The following AHSA1 variants were observed in gnomAD, a reference collection of about 807,000 sequenced individuals.
The protein encoded by AHSA1 is activator of HSP90 ATPase activity 1.
AHSA1 carries 14 observed loss-of-function variants against 46.1 expected under a neutral mutation model. That is an observed-to-expected ratio of 0.30 (90% CI 0.20 to 0.47). The LOEUF (loss-of-function observed/expected upper bound fraction) is 0.47. Ranked by LOEUF, AHSA1 falls within the 20% of genes least tolerant of loss-of-function variation. The probability of loss-of-function intolerance (pLI) is 0.99; values close to 1 mark genes in which losing one functional copy is unlikely to be tolerated. For synonymous variants in AHSA1, 147 were observed against 145.8 expected, an observed-to-expected ratio of 1.01 and a Z score of -0.06; for missense variants, 333 against 415.9, an observed-to-expected ratio of 0.80 and a Z score of 1.73.
At chr14:77,463,538 A>C (rs1031160283) in intron 4 of AHSA1, among the ~76,000 whole-genome samples, 11 of 148,390 alleles carry the variant, frequency 7.4e-5, no homozygotes, top group African/African-American at 2.7e-4. Flanking sequence ...GTGAGCCAAG[A>C]ACGCGCCATT....
Position 77,462,681 on chromosome 14 carries a change from C to T in AHSA1, c.394C>T (p.Leu132Phe), listed in dbSNP as rs765495295. 8.1e-6 allele frequency: 13 copies of T among 1,614,176 alleles called. 1 individual carries two copies. The Middle Eastern group carries it at 2.0e-3, about 246-fold the overall frequency. Residue 132 changes from leucine to phenylalanine, a missense_variant, in exon 4 of 9, where the codon CTC becomes TTC. Leu to Phe is a conservative substitution (Grantham distance 22). Transcript: ENST00000216479. ...SLAKDEPDTN[L>F]VALMKEEGVK... ...TGCCAAAGATGAGCCTGACACAAAT[C>T]TCGTGGCCTTAATGAAGGAAGAAGG...
At chr14:77,468,721 CTTTTTTTTTT>C (rs572116649) in intron 8 of AHSA1, 4 of 224,432 alleles carry the variant, frequency 1.8e-5, no homozygotes, top group African/African-American at 4.6e-5. Context: ...ACCATGCCAG[CTTTTTTTTTT>C]TTTTTTTTTT....
In AHSA1 at chr14:77,465,700, A is replaced by G. The variant is rs2079045156; in HGVS notation, c.690+33A>G. 3.1e-6 allele frequency: 5 copies of G among 1,609,970 alleles called. No homozygotes were observed. The East Asian group carries it at 1.1e-4, about 36-fold the overall frequency. On this transcript the variant is annotated intron_variant, in intron 6 of 8. Transcript: ENST00000216479. The stretch of plus-strand genomic sequence containing the variant: ...AGTCTTGTCCTTCAGGCCTCATGCC[A>G]TCTGCCCTTCTAGGTGACTTGAGTT...
chr14:77,464,186 G>C (rs566410790), intron 4 of AHSA1, among the ~76,000 whole-genome samples: 1 of 152,242 alleles, frequency 6.6e-6, no homozygotes, highest in African/African-American at 2.4e-5. Flanking sequence ...AGACCATCCT[G>C]GCCAACATGG....
At chr14:77,462,293 A>G in intron 3 of AHSA1, 51 bp downstream of exon 3, 1 of 1,515,738 alleles carries the variant, frequency 6.6e-7, no homozygotes, top group Non-Finnish European at 9.2e-7. Context: ...TCTTATTCTC[A>G]GATGAGAAAA....
At chr14:77,467,982 A>G in intron 6 of AHSA1, 101 bp from the exon 7 acceptor site, 1 of 780,926 alleles carries the variant, frequency 1.3e-6, no homozygotes, top group Non-Finnish European at 2.0e-6. Flanking sequence ...TGGAAATGAG[A>G]GTTGAGGCAT....
Position 77,468,090 on chromosome 14 carries a change from A to T in AHSA1, c.698A>T (p.Gln233Leu). The T allele has an allele frequency of 8.2e-7, 1 of 1,225,030 alleles. No homozygotes were observed. Among genetic ancestry groups the T allele is most frequent in the South Asian group, 1.4e-5 (1 of 70,844 alleles). 75.9% of individuals were successfully genotyped at this position (1,225,030 alleles called of 1,614,324 possible). A position where few individuals can be genotyped will look rare whatever the true frequency, so the allele number is the denominator to read the frequency against. ...YRVFTTQELVQAFTHAPATLE... is the reference protein window; with the variant it reads ...YRVFTTQELVLAFTHAPATLE... ...TTTTTTTTTTCCCTGCAGCTGGTGC[A>T]GGCCTTTACCCATGCTCCTGCAACA... The change falls in exon 7 of 9, where the codon CAG (glutamine) becomes CTG (leucine). Residue 233 changes from glutamine (Q) to leucine (L), a missense_variant. Physicochemically the swap from Gln to Leu is moderately radical, Grantham distance 113. Coordinates refer to ENST00000216479, the MANE Select transcript of AHSA1 (RefSeq NM_012111.3).
intron 5 of AHSA1, 44 bp from the exon 6 acceptor site, chr14:77,465,495 G>A (rs376785310): frequency 5.8e-5 from 92 of 1,598,282 alleles, no homozygotes; most frequent in Admixed American, 3.3e-4. Context: ...GATTGAGGTT[G>A]TATCATTACT....
chr14:77,465,427 C>T lies in AHSA1; in HGVS notation c.562-112C>T, dbSNP rs547226270. The T allele has an allele frequency of 1.7e-5, 22 of 1,263,418 alleles. No homozygotes were observed. In the South Asian group the frequency reaches 2.9e-4, roughly 17 times the overall value. The allele number at this position is 1,263,418 out of a possible 1,614,324, so 78.3% of individuals were successfully genotyped here. On this transcript the variant is annotated intron_variant, in intron 5 of 8. Transcript: ENST00000216479. ...CCTTCAAACCCCTTGGAATAATTAC[C>T]CTTGGAGGTGAACATTTTTATGAGA...
chr14:77,468,522 T>A lies in AHSA1; in HGVS notation c.844+14T>A. 1 of 1,607,686 alleles carries A rather than the reference T, an allele frequency of 6.2e-7. No homozygotes were observed. Among genetic ancestry groups the A allele is most frequent in the Non-Finnish European group, 8.5e-7 (1 of 1,175,474 alleles). On this transcript the variant is annotated intron_variant, in intron 8 of 8. Transcript: ENST00000216479. ...CTTGGCCAGAGGGTAAGTAAACATA[T>A]TTATTGCCATTACCCCCAGAACTTT...
intron 5 of AHSA1, 120 bp downstream of exon 5, chr14:77,464,806 C>T (rs1401716387): frequency 1.2e-5 from 10 of 800,020 alleles, no homozygotes; most frequent in Non-Finnish European, 2.0e-5. Flanking sequence ...CTGCGATCTG[C>T]TCATGGTGCT....
intron 4 of AHSA1, among the ~76,000 whole-genome samples, chr14:77,463,600 CAAA>C (rs869114214): frequency 8.1e-5 from 4 of 49,610 alleles, no homozygotes; most frequent in Non-Finnish European, 2.0e-4. Context: ...AAAAAAAAAA[CAAA>C]AAAAAAACTG....
chr14:77,463,597 A>AAG (rs900875563), intron 4 of AHSA1, among the ~76,000 whole-genome samples: 1 of 56,084 alleles, frequency 1.8e-5, no homozygotes, highest in African/African-American at 3.3e-5. Flanking sequence ...AAAAAAAAAA[A>AAG]AACAAAAAAA....
chr14:77,465,814 CT>C, intron 6 of AHSA1, 147 bp downstream of exon 6: 1 of 814,358 alleles, frequency 1.2e-6, no homozygotes, highest in Non-Finnish European at 1.8e-6. Context: ...GAATTTTTCC[CT>C]CCCTCTATTC....
At chr14:77,460,745 G>C (rs542272300) in intron 2 of AHSA1, among the ~76,000 whole-genome samples, 13 of 151,558 alleles carry the variant, frequency 8.6e-5, no homozygotes, top group African/African-American at 2.9e-4. Context: ...ATTTTTATTA[G>C]AGATGGGTTT....
chr14:77,466,435 G>C (rs1324281592), intron 6 of AHSA1: 1 of 153,192 alleles, frequency 6.5e-6, no homozygotes, highest in Non-Finnish European at 1.5e-5. Context: ...TGAGAAACAT[G>C]ACCGTATTCA....
chr14:77,467,046 TTAAAAG>T (rs2079050421), intron 6 of AHSA1, among the ~76,000 whole-genome samples: 3 of 152,222 alleles, frequency 2.0e-5, no homozygotes, highest in Non-Finnish European at 4.4e-5. Context: ...TAAAGTCTTA[TTAAAAG>T]TAAAAGCGGC....
At chr14:77,468,220 C>A in intron 7 of AHSA1, 36 bp downstream of exon 7, 2 of 1,399,876 alleles carry the variant, frequency 1.4e-6, no homozygotes, top group Non-Finnish European at 2.0e-6. Context: ...AGGTTATTGC[C>A]TCTGGTCAGA....
intron 2 of AHSA1, among the ~76,000 whole-genome samples, chr14:77,460,632 C>T (rs1438154212): frequency 6.7e-6 from 1 of 149,666 alleles, no homozygotes; most frequent in South Asian, 2.1e-4. Flanking sequence ...GTGGCACGAT[C>T]TTGGCTCACT....
Sources: allele counts gnomAD v4.1 joint callset (sites outside exome capture counted in the v4.1 genomes callset), GRCh38; gene constraint gnomAD v4.1.1; transcripts MANE v1.5; gene names NCBI Gene and HGNC (gene_info 2026-07-23, HGNC 2026-07-21).